The following PREX2 variants were observed in gnomAD, a reference collection of about 807,000 sequenced individuals.
PREX2 encodes the protein phosphatidylinositol 3,4,5-trisphosphate-dependent Rac exchanger 2 protein.
Under a neutral mutation model 203.2 loss-of-function variants are expected in PREX2, and 107 were observed. That is an observed-to-expected ratio of 0.53 (90% CI 0.45 to 0.62). The LOEUF is 0.62. PREX2 is among the 20% of genes least tolerant of loss of function. The pLI is 0.00. For synonymous variants in PREX2, 672 were observed against 663.6 expected, an observed-to-expected ratio of 1.01 and a Z score of -0.19; for missense variants, 1,777 against 1,955.9, an observed-to-expected ratio of 0.91 and a Z score of 1.72.
intron 35 of PREX2, among the ~76,000 whole-genome samples, chr8:68,172,433 A>G (rs1811896824): frequency 6.6e-6 from 1 of 152,250 alleles, no homozygotes. Flanking sequence ...CAAGAGTTAA[A>G]TTGCTGCTTG....
At chr8:68,039,678 T>C (rs1412289214) in intron 7 of PREX2, among the ~76,000 whole-genome samples, 2 of 152,174 alleles carry the variant, frequency 1.3e-5, no homozygotes, top group African/African-American at 4.8e-5. Context: ...CTCTCCCAGC[T>C]TTCCCTTTCT....
chr8:68,081,837 G>A (rs1809537287), intron 17 of PREX2, among the ~76,000 whole-genome samples: 1 of 151,332 alleles, frequency 6.6e-6, no homozygotes, highest in African/African-American at 2.4e-5. Flanking sequence ...TGGGATTACA[G>A]GCCCATGCCA....
chr8:68,066,465 T>G (rs1317192552), intron 11 of PREX2, among the ~76,000 whole-genome samples: 1 of 152,280 alleles, frequency 6.6e-6, no homozygotes, highest in East Asian at 1.9e-4. Flanking sequence ...CCCTGATGAT[T>G]AGAGATGTTG....
intron 23 of PREX2, chr8:68,105,700 T>TAA (rs61184621): frequency 0.057 from 13,908 of 243,454 alleles, 534 homozygotes; most frequent in African/African-American, 0.13. Context: ...TATATATATA[T>TAA]GGATATATAT....
chr8:68,151,067 C>A (rs552737355), intron 34 of PREX2, among the ~76,000 whole-genome samples: 2 of 152,224 alleles, frequency 1.3e-5, no homozygotes, highest in East Asian at 3.9e-4. Flanking sequence ...GGATTTGGGC[C>A]TATCATAATT....
intron 1 of PREX2, among the ~76,000 whole-genome samples, chr8:68,003,876 G>A (rs1807017099): frequency 8.7e-6 from 1 of 115,090 alleles, no homozygotes; most frequent in Admixed American, 1.1e-4. Context: ...TTGAGACAGA[G>A]TCTCACCCTC....
At position 68,233,025 on chromosome 8, in the gene PREX2, T is replaced by C. The variant is rs192600394; in HGVS notation, c.*1647T>C. 1 of 152,338 alleles carries C rather than the reference T, an allele frequency of 6.6e-6. No homozygotes were observed. The highest frequency in any genetic ancestry group is 6.5e-5 in the Admixed American group (1 of 15,298). The allele number at this position is 152,338 out of a possible 1,614,324, so 9.4% of individuals were successfully genotyped here. On this transcript the variant is annotated 3_prime_UTR_variant, in exon 40 of 40. Coordinates refer to ENST00000288368, the MANE Select transcript of PREX2 (RefSeq NM_024870.4). ...AATAACAAAAATACCATGTTACATG[T>C]GTAGGCAATATGTGTATACTACTAG...
chr8:68,204,698 T>C (rs1478528818), intron 37 of PREX2, among the ~76,000 whole-genome samples: 1 of 144,960 alleles, frequency 6.9e-6, no homozygotes, highest in Non-Finnish European at 1.5e-5. Flanking sequence ...TTTTTTTTTT[T>C]TTTTGAGACA....
At chr8:68,155,099 T>C (rs576238473) in intron 34 of PREX2, among the ~76,000 whole-genome samples, 24 of 151,472 alleles carry the variant, frequency 1.6e-4, no homozygotes. Flanking sequence ...GGGAAAGCAA[T>C]TGTGTTTTCT....
chr8:68,183,821 A>G (rs1812135130), intron 35 of PREX2, among the ~76,000 whole-genome samples: 1 of 152,126 alleles, frequency 6.6e-6, no homozygotes, highest in South Asian at 2.1e-4. Context: ...CAGGGGATAA[A>G]AGAAGTCAGG....
intron 1 of PREX2, among the ~76,000 whole-genome samples, chr8:67,990,711 C>T (rs1186454274): frequency 6.6e-6 from 1 of 151,934 alleles, no homozygotes; most frequent in African/African-American, 2.4e-5. Flanking sequence ...TAGGGTTTCA[C>T]CAAATTAGCC....
intron 9 of PREX2, 108 bp downstream of exon 9, chr8:68,053,354 G>A: frequency 8.5e-7 from 1 of 1,173,728 alleles, no homozygotes; most frequent in South Asian, 1.5e-5. Flanking sequence ...ATGGTCACTT[G>A]ATTTATTAGG....
At chr8:68,152,312 A>G (rs955550304) in intron 34 of PREX2, among the ~76,000 whole-genome samples, 1 of 150,602 alleles carries the variant, frequency 6.6e-6, no homozygotes, top group Non-Finnish European at 1.5e-5. Context: ...AAAAAAAAAG[A>G]TAAATCTTTT....
At chr8:68,072,615 T>G (rs1414889829) in intron 14 of PREX2, 45 bp downstream of exon 14, 1 of 1,065,116 alleles carries the variant, frequency 9.4e-7, no homozygotes, top group African/African-American at 1.6e-5. Context: ...TGCTGCTGCT[T>G]TAAACTCTGA....
intron 39 of PREX2, among the ~76,000 whole-genome samples, 196 bp from the exon 40 acceptor site, chr8:68,231,137 G>T (rs879474764): frequency 2.6e-5 from 4 of 152,140 alleles, no homozygotes; most frequent in Admixed American, 6.5e-5. Context: ...ATGCAGAGGG[G>T]CACTGGTGTT....
intron 35 of PREX2, among the ~76,000 whole-genome samples, chr8:68,164,035 C>T (rs553245811): frequency 2.8e-4 from 42 of 152,148 alleles, no homozygotes; most frequent in African/African-American, 8.4e-4. Flanking sequence ...AGACCTCAGA[C>T]GAATCTGTCC....
chr8:68,024,208 G>A (rs1807648136), intron 4 of PREX2, among the ~76,000 whole-genome samples: 1 of 151,858 alleles, frequency 6.6e-6, no homozygotes, highest in Non-Finnish European at 1.5e-5. Context: ...TGAATTACAT[G>A]CATTGACAAT....
intron 35 of PREX2, among the ~76,000 whole-genome samples, chr8:68,174,857 C>G (rs1303777464): frequency 6.6e-6 from 1 of 152,214 alleles, no homozygotes; most frequent in African/African-American, 2.4e-5. Flanking sequence ...TGACTCACAT[C>G]ATGATGACTT....
intron 23 of PREX2, among the ~76,000 whole-genome samples, chr8:68,101,907 G>A (rs1209147945): frequency 1.3e-5 from 2 of 152,046 alleles, no homozygotes; most frequent in Non-Finnish European, 2.9e-5. Flanking sequence ...TTAGGATCAG[G>A]GTATATTAGG....
Sources: allele counts gnomAD v4.1 joint callset (sites outside exome capture counted in the v4.1 genomes callset), GRCh38; gene constraint gnomAD v4.1.1; transcripts MANE v1.5; gene names NCBI Gene and HGNC (gene_info 2026-07-23, HGNC 2026-07-21).